Variants in AARS2 observed in about 807,000 individuals in gnomAD.
The protein encoded by AARS2 is alanine--tRNA ligase, mitochondrial.
In AARS2, 78 loss-of-function variants were observed where a neutral mutation model predicts 119.7. That is an observed-to-expected ratio of 0.65 (90% CI 0.54 to 0.79). The LOEUF (loss-of-function observed/expected upper bound fraction) is 0.79, where lower values mean the gene tolerates loss of function less well. Among genes scored for constraint, AARS2 ranks in the 30% least tolerant of loss-of-function variants. The pLI is 0.00. For missense variants in AARS2, 1,157 were observed against 1,291.3 expected (o/e 0.90, Z 1.59); for synonymous variants, 502 against 526.3 (o/e 0.95, Z 0.63).
chr6:44,302,460 C>T lies in AARS2; in HGVS notation c.2418G>A (p.Arg806=). Residue 806 remains arginine (R), a synonymous_variant, in exon 18 of 22, where the codon CGG becomes CGA. Coordinates refer to ENST00000244571, the MANE Select transcript of AARS2 (RefSeq NM_020745.4). ...CCACATCCCGGCTCCCCAGACTCAGCCGCTCAGTGGCCGCTTTCACTTCCT... is the reference window on the plus strand; with the variant it reads ...CCACATCCCGGCTCCCCAGACTCAGTCGCTCAGTGGCCGCTTTCACTTCCT... ...LAQEVKAATE[R]LSLGSRDVAE... 1.2e-6 allele frequency: 2 copies of T among 1,614,176 alleles called. No homozygotes were observed. Among genetic ancestry groups the T allele is most frequent in the South Asian group, 2.2e-5 (2 of 91,086 alleles).
In AARS2 at chr6:44,303,051, A is replaced by G. The variant is rs1204470726; in HGVS notation, c.2255+15T>C. 1 of 1,613,752 alleles carries G rather than the reference A, an allele frequency of 6.2e-7. No homozygotes were observed. The highest frequency in any genetic ancestry group is 1.1e-5 in the South Asian group (1 of 91,082). On this transcript the variant is annotated intron_variant, in intron 16 of 21. Coordinates refer to ENST00000244571, the MANE Select transcript of AARS2 (RefSeq NM_020745.4). ...CCGGGGCCCCTGGGCCAGGCAGCACAAAGGAGTGACTCACGTCCCACAGCA... is the reference window on the plus strand; with the variant it reads ...CCGGGGCCCCTGGGCCAGGCAGCACGAAGGAGTGACTCACGTCCCACAGCA...
chr6:44,303,772 G>A (rs1248624915), intron 14 of AARS2, among the ~76,000 whole-genome samples: 2 of 152,174 alleles, frequency 1.3e-5, no homozygotes, highest in African/African-American at 2.4e-5. Flanking sequence ...GGTGGGATGG[G>A]GATTAGCCAG....
chr6:44,311,197 C>T lies in AARS2; in HGVS notation c.582-36G>A, dbSNP rs374712246. On this transcript the variant is annotated intron_variant, in intron 3 of 21. Transcript: ENST00000244571. Reference sequence around the variant, plus strand: ...AAGCAGGTGAGTGGTGGGAGACAGACAGACCCAGAAGCTGGGACTCTCTCT... The same window carrying T: ...AAGCAGGTGAGTGGTGGGAGACAGATAGACCCAGAAGCTGGGACTCTCTCT... 26 of 1,613,450 alleles carry T rather than the reference C, an allele frequency of 1.6e-5. No individual in the cohort carries two copies. The African/African-American group carries it at 3.1e-4, about 19-fold the overall frequency.
chr6:44,301,594 T>G, intron 19 of AARS2, 130 bp from the exon 20 acceptor site: 26 of 885,430 alleles, frequency 2.9e-5, no homozygotes, highest in Non-Finnish European at 4.0e-5. Flanking sequence ...TCATTAGCTC[T>G]AGGCAGAGGT....
chr6:44,301,414 C>CA lies in AARS2; in HGVS notation c.2648dup (p.Ile884AspfsTer8), dbSNP rs1785345280. 6 of 1,613,882 alleles carry CA rather than the reference C, an allele frequency of 3.7e-6. No individual in the cohort carries two copies. The highest frequency in any genetic ancestry group is 5.1e-6 in the Non-Finnish European group (6 of 1,180,048). On this transcript the variant is annotated frameshift_variant, in exon 20 of 22. Transcript: ENST00000244571. LOFTEE classifies it high-confidence loss of function. ...ACTCAGCAGAGACTGTGTCCACAAT[C>CA]AGAGGCCCCTTCGAGTGCCGCTCCA...
rs779175894 is a variant in AARS2, at chr6:44,311,421, G to T, written c.550C>A (p.Leu184Met). The T allele has an allele frequency of 6.2e-7, 1 of 1,614,178 alleles. No homozygotes were observed. Among genetic ancestry groups the T allele is most frequent in the South Asian group, 1.1e-5 (1 of 91,082 alleles). The change falls in exon 3 of 22, where the codon CTG becomes ATG. Residue 184 changes from leucine (L) to methionine (M), a missense_variant. Leu to Met is a conservative substitution (Grantham distance 15, BLOSUM62 2). Transcript: ENST00000244571. Reference protein sequence around the residue: ...GDPKAGLDPDLETRDIWLSLG... With the variant: ...GDPKAGLDPDMETRDIWLSLG... The stretch of plus-strand genomic sequence containing the variant: ...CTCAGCCAGATGTCCCTGGTCTCCA[G>T]GTCTGGGTCCAGCCCTGCCTTGGGG...
At position 44,305,791 on chromosome 6, in the gene AARS2, GAGAA is replaced by G. The variant is rs1785791112; in HGVS notation, c.1301-9_1301-6del. 1.2e-6 allele frequency: 2 copies of G among 1,614,058 alleles called. No homozygotes were observed. On this transcript the variant is annotated splice_region_variant and splice_polypyrimidine_tract_variant and intron_variant, in intron 9 of 21. Coordinates refer to ENST00000244571, the MANE Select transcript of AARS2 (RefSeq NM_020745.4). This position sits in a 1 kb window ranked among gnomAD's most constrained non-coding sequence, Gnocchi z 4.6. ...ACAAGGACCAGGCCACTTCAGCTTT[GAGAA>G]AGAAAGACAAAGAATGTTGAGGAGG...
rs1561934344 is a variant in AARS2, at chr6:44,298,806, T to C, written c.*1741A>G. 6.6e-6 allele frequency among the ~76,000 whole-genome samples: 1 copy of C among 152,184 alleles called. No individual in the cohort carries two copies. Among genetic ancestry groups the C allele is most frequent in the Non-Finnish European group, 1.5e-5 (1 of 68,022 alleles). ...TTTGAAGATGGATCCCCTGAGGCCCTTTCCTTCATCTAGCAACAGAGATCT... is the reference window on the plus strand; with the variant it reads ...TTTGAAGATGGATCCCCTGAGGCCCCTTCCTTCATCTAGCAACAGAGATCT... On this transcript the variant is annotated 3_prime_UTR_variant, in exon 22 of 22. Transcript: ENST00000244571.
At chr6:44,304,141 G>A (rs1247909872) in intron 14 of AARS2, 40 bp downstream of exon 14, 3 of 1,611,384 alleles carry the variant, frequency 1.9e-6, no homozygotes, top group Admixed American at 3.3e-5. Flanking sequence ...TTTTATGCCT[G>A]TCACCTCACA....
At chr6:44,303,214 GA>G (rs1785513377) in intron 15 of AARS2, 39 bp from the exon 16 acceptor site, 1 of 1,614,030 alleles carries the variant, frequency 6.2e-7, no homozygotes, top group Non-Finnish European at 8.5e-7. Flanking sequence ...ACTGCCAAAG[GA>G]GAAGGATAAA....
chr6:44,309,408 A>G (rs916957588), intron 5 of AARS2, among the ~76,000 whole-genome samples: 7 of 152,198 alleles, frequency 4.6e-5, no homozygotes, highest in Non-Finnish European at 1.0e-4. Flanking sequence ...GGGCAGATAC[A>G]TGGTTGTTGG....
Position 44,311,492 on chromosome 6 carries a change from T to C in AARS2, c.479A>G (p.Tyr160Cys), listed in dbSNP as rs1561943477. 10 of 1,613,926 alleles carry C rather than the reference T, an allele frequency of 6.2e-6. No individual in the cohort carries two copies. The highest frequency in any genetic ancestry group is 1.7e-4 in the Middle Eastern group (1 of 6,060). Residue 160 changes from tyrosine (Y) to cysteine (C), a missense_variant, in exon 3 of 22, where the codon TAT becomes TGT. By Grantham distance (194) the Tyr-to-Cys change is radical. Coordinates refer to ENST00000244571, the MANE Select transcript of AARS2 (RefSeq NM_020745.4). Reference protein sequence around the residue: ...NMAWELLTQVYGIPEERLWIS... With the variant: ...NMAWELLTQVCGIPEERLWIS... ...CCAGAGCCTTTCCTCAGGGATCCCA[T>C]AGACCTGAGTCAGCAGTTCCCAGGC... is the stretch of plus-strand genomic sequence containing the variant.
In AARS2 at chr6:44,313,283, C is replaced by G; in HGVS notation, c.41G>C (p.Arg14Pro). Reference protein sequence around the residue: ...SVAAAARRLRRAIRRSPAWRG... With the variant: ...SVAAAARRLRPAIRRSPAWRG... The stretch of plus-strand genomic sequence containing the variant: ...CCATGCGGGCGACCTTCGAATGGCC[C>G]GCCGCAGCCTCCGGGCTGCAGCTGC... The change falls in exon 1 of 22, where the codon CGG becomes CCG. Residue 14 changes from arginine to proline, a missense_variant. Physicochemically the swap from Arg to Pro is moderately radical, Grantham distance 103. Coordinates refer to ENST00000244571, the MANE Select transcript of AARS2 (RefSeq NM_020745.4). 2 of 1,598,846 alleles carry G rather than the reference C, an allele frequency of 1.3e-6. No homozygotes were observed. Among genetic ancestry groups the G allele is most frequent in the Non-Finnish European group, 1.7e-6 (2 of 1,176,528 alleles).
At position 44,307,727 on chromosome 6, in the gene AARS2, G is replaced by C. The variant is rs1255404162; in HGVS notation, c.895-333C>G. Reference sequence around the variant, plus strand: ...GCATGCTTGCTTTAAAGAAGAAGAAGCTGAGGCTCAGAGGAACTCAGTGAC... The same window carrying C: ...GCATGCTTGCTTTAAAGAAGAAGAACCTGAGGCTCAGAGGAACTCAGTGAC... On this transcript the variant is annotated intron_variant, in intron 5 of 21. Transcript: ENST00000244571. The surrounding 1 kb of genome is among the most constrained non-coding windows in gnomAD (Gnocchi z 4.4). The C allele has an allele frequency of 8.1e-6, 3 of 370,956 alleles. No individual in the cohort carries two copies. The highest frequency in any genetic ancestry group is 6.2e-5 in the African/African-American group (3 of 48,774). 23.0% of individuals were successfully genotyped at this position (370,956 alleles called of 1,614,324 possible). A position where few individuals can be genotyped will look rare whatever the true frequency, so the allele number is the denominator to read the frequency against.
chr6:44,308,126 C>A (rs910030372), intron 5 of AARS2, among the ~76,000 whole-genome samples: 1 of 152,190 alleles, frequency 6.6e-6, no homozygotes, highest in Non-Finnish European at 1.5e-5. Flanking sequence ...TGCTATTATC[C>A]GAAGCATGCC....
At chr6:44,312,432 C>T (rs1378770620) in intron 1 of AARS2, among the ~76,000 whole-genome samples, 169 bp from the exon 2 acceptor site, 1 of 152,176 alleles carries the variant, frequency 6.6e-6, no homozygotes, top group African/African-American at 2.4e-5. Flanking sequence ...TCGGGACAGC[C>T]ATCTCTGGTG....
intron 5 of AARS2, 120 bp downstream of exon 5, chr6:44,310,179 G>T: frequency 3.0e-6 from 4 of 1,349,716 alleles, no homozygotes; most frequent in Non-Finnish European, 4.1e-6. Context: ...TGGAATTCTT[G>T]GTTGGTTATT....
rs572630603 is a variant in AARS2, at chr6:44,298,735, C to T, written c.*1812G>A. On this transcript the variant is annotated 3_prime_UTR_variant, in exon 22 of 22. Transcript: ENST00000244571. ...TGATGCCAGGCGGGCCCACGCTGCTCGAATAATTTTTACTAGACAGAATTT... is the reference window on the plus strand; with the variant it reads ...TGATGCCAGGCGGGCCCACGCTGCTTGAATAATTTTTACTAGACAGAATTT... Among the ~76,000 whole-genome samples, 9 of 152,280 alleles carry T rather than the reference C, an allele frequency of 5.9e-5. No individual in the cohort carries two copies. The highest frequency in any genetic ancestry group is 2.1e-4 in the South Asian group (1 of 4,830).
rs751346475 is a variant in AARS2, at chr6:44,307,241, A to G, written c.1040+8T>C. The G allele has an allele frequency of 6.8e-6, 11 of 1,613,582 alleles. No individual in the cohort carries two copies. Among genetic ancestry groups the G allele is most frequent in the South Asian group, 5.5e-5 (5 of 91,028 alleles). On this transcript the variant is annotated splice_region_variant and intron_variant, in intron 6 of 21. Coordinates refer to ENST00000244571, the MANE Select transcript of AARS2 (RefSeq NM_020745.4). The surrounding 1 kb of genome is among the most constrained non-coding windows in gnomAD (Gnocchi z 4.4). ...CCCCTGTCCTCTCTGTAGCCCTTCC[A>G]GACTCACGGGGGACCTGACATCCCA...
Sources: gnomAD v4.1 joint callset for allele counts (sites outside exome capture counted in the v4.1 genomes callset) on GRCh38, gnomAD v4.1.1 for gene constraint, Gnocchi (gnomAD v3.1) non-coding constraint, MANE v1.5 for transcripts, NCBI Gene and HGNC (gene_info 2026-07-23, HGNC 2026-07-21) for gene names.